Variants in TMEM242 observed in about 807,000 individuals in gnomAD.
The protein encoded by TMEM242 is UPF0463 transmembrane protein C6orf35.
A neutral mutation model predicts 18.2 loss-of-function variants in TMEM242; 10 were observed. The observed-to-expected ratio is 0.55, with a 90% CI of 0.34 to 0.93. The LOEUF is 0.93. Among genes scored for constraint, TMEM242 ranks in the 40% least tolerant of loss-of-function variants. The probability of loss-of-function intolerance (pLI) is 0.02; values close to 1 mark genes in which losing one functional copy is unlikely to be tolerated. For missense variants in TMEM242, 186 were observed against 175.5 expected, an observed-to-expected ratio of 1.06 and a Z score of -0.34; for synonymous variants, 57 against 69.9, an observed-to-expected ratio of 0.81 and a Z score of 0.92.
At chr6:157,304,743 T>C (rs1554247800) in intron 3 of TMEM242, among the ~76,000 whole-genome samples, 1 of 152,146 alleles carries the variant, frequency 6.6e-6, no homozygotes, top group African/African-American at 2.4e-5. Context: ...AATAGGATAA[T>C]TTCAGAGAGT....
chr6:157,319,921 T>C (rs942094580), intron 2 of TMEM242, among the ~76,000 whole-genome samples: 1 of 152,100 alleles, frequency 6.6e-6, no homozygotes. Context: ...CACATAACGG[T>C]GCTGCATAGG....
At chr6:157,299,571 C>T (rs587738572) in intron 3 of TMEM242, 1 of 1,559,444 alleles carries the variant, frequency 6.4e-7, no homozygotes, top group Admixed American at 1.7e-5. Context: ...AACTTCCAGG[C>T]TACATAAGTT....
At chr6:157,296,389 T>A (rs929016418) in intron 3 of TMEM242, among the ~76,000 whole-genome samples, 3 of 152,142 alleles carry the variant, frequency 2.0e-5, no homozygotes, top group African/African-American at 7.2e-5. Flanking sequence ...GTGCTTTCCA[T>A]AAAAACTAAG....
rs782782714 is a variant in TMEM242, at chr6:157,304,462, C to CAAA, written c.328-11466_328-11464dup. Among the ~76,000 whole-genome samples the CAAA allele has an allele frequency of 7.4e-4, 50 of 67,244 alleles. 2 individuals are homozygous for CAAA. Among genetic ancestry groups the CAAA allele is most frequent in the African/African-American group, 1.3e-3 (23 of 18,088 alleles). The allele number at this position is 67,244 out of a possible 152,430, so 44.1% of individuals were successfully genotyped here. On this transcript the variant is annotated intron_variant, in intron 3 of 3. Coordinates refer to ENST00000400788, the MANE Select transcript of TMEM242 (RefSeq NM_018452.6). ...CCTGGGTGACAGAGTGAGACTCTGT[C>CAAA]AAAAAAAAAAAAAAAAAAAAAAAAA... is the stretch of plus-strand genomic sequence containing the variant.
In TMEM242 at chr6:157,292,901, T is replaced by G; in HGVS notation, c.426A>C (p.Ter142CysextTer5). 6.2e-7 allele frequency: 1 copy of G among 1,610,236 alleles called. No individual in the cohort carries two copies. Among genetic ancestry groups the G allele is most frequent in the Non-Finnish European group, 8.5e-7 (1 of 1,176,584 alleles). Residue 142 changes from the stop codon to cysteine (C), a stop_lost, in exon 4 of 4, where the codon TGA becomes TGC. Transcript: ENST00000400788. ...VEWEETLKSK[*>C] ...ATTTTGAAATTCATCCATGCTCATCTCATTTGGATTTCAATGTTTCCTCCC... is the reference window on the plus strand; with the variant it reads ...ATTTTGAAATTCATCCATGCTCATCGCATTTGGATTTCAATGTTTCCTCCC...
chr6:157,309,996 G>C (rs1185676623), intron 3 of TMEM242, among the ~76,000 whole-genome samples: 1 of 152,080 alleles, frequency 6.6e-6, no homozygotes, highest in Admixed American at 6.5e-5. Context: ...CAAACATAGA[G>C]CACAGGTCCA....
intron 3 of TMEM242, among the ~76,000 whole-genome samples, chr6:157,312,653 T>C (rs1554249361): frequency 2.6e-5 from 4 of 151,464 alleles, no homozygotes; most frequent in East Asian, 1.9e-4. Flanking sequence ...CCCGGCCTCA[T>C]CATAGTGCCC....
rs1178738880 is a variant in TMEM242 at position 157,298,110 on chromosome 6, C to G, written c.328-5111G>C. Among the ~76,000 whole-genome samples the G allele has an allele frequency of 4.6e-5, 7 of 152,228 alleles. No homozygotes were observed. In the South Asian group the frequency reaches 8.3e-4, roughly 18 times the overall value. On this transcript the variant is annotated intron_variant, in intron 3 of 3. Coordinates refer to ENST00000400788, the MANE Select transcript of TMEM242 (RefSeq NM_018452.6). ...GCACAAATTCAAAAGCAAAAACTTT[C>G]TGTAAACATGAAATAAACTGAAGAG... is the stretch of plus-strand genomic sequence containing the variant.
rs587673934 is a variant in TMEM242 at position 157,322,775 on chromosome 6, G to C, written c.119C>G (p.Ala40Gly). The C allele has an allele frequency of 2.2e-5, 36 of 1,613,720 alleles. No homozygotes were observed. The East Asian group carries it at 5.8e-4, about 26-fold the overall frequency. ...GGIFLGTVAA[A>G]GMLAGFITTL... Reference sequence around the variant, plus strand: ...TGTAATAAATCCAGCTAGCATTCCCGCTGCAGCAACGGTACCAAGGAAAAT... The same window carrying C: ...TGTAATAAATCCAGCTAGCATTCCCCCTGCAGCAACGGTACCAAGGAAAAT... Residue 40 changes from alanine to glycine, a missense_variant, in exon 2 of 4, where the codon GCG becomes GGG. Transcript: ENST00000400788.
chr6:157,292,895 C>T lies in TMEM242; in HGVS notation c.*6G>A. ...ACAAGCATTTTGAAATTCATCCATGCTCATCTCATTTGGATTTCAATGTTT... is the reference window on the plus strand; with the variant it reads ...ACAAGCATTTTGAAATTCATCCATGTTCATCTCATTTGGATTTCAATGTTT... On this transcript the variant is annotated 3_prime_UTR_variant, in exon 4 of 4. Coordinates refer to ENST00000400788, the MANE Select transcript of TMEM242 (RefSeq NM_018452.6). The T allele has an allele frequency of 6.2e-7, 1 of 1,607,026 alleles. No homozygotes were observed. Among genetic ancestry groups the T allele is most frequent in the Non-Finnish European group, 8.5e-7 (1 of 1,173,764 alleles).
At position 157,294,601 on chromosome 6, in the gene TMEM242, C is replaced by T. The variant is rs587635167; in HGVS notation, c.328-1602G>A. Reference sequence around the variant, plus strand: ...TCCTGACCTCGTGATCCGCCCGCCTCGGCCTCCCAAAGTGCTGGGATTACA... The same window carrying T: ...TCCTGACCTCGTGATCCGCCCGCCTTGGCCTCCCAAAGTGCTGGGATTACA... On this transcript the variant is annotated intron_variant, in intron 3 of 3. Transcript: ENST00000400788. Among the ~76,000 whole-genome samples, 8 of 152,158 alleles carry T rather than the reference C, an allele frequency of 5.3e-5. No individual in the cohort carries two copies. The South Asian group carries it at 1.5e-3, about 28-fold the overall frequency.
chr6:157,292,245 C>A lies in TMEM242; in HGVS notation c.*656G>T, dbSNP rs185366040. 2.6e-5 allele frequency: 4 copies of A among 152,320 alleles called. No individual in the cohort carries two copies. Among genetic ancestry groups the A allele is most frequent in the Admixed American group, 2.6e-4 (4 of 15,304 alleles). The allele number at this position is 152,320 out of a possible 1,614,324, so 9.4% of individuals were successfully genotyped here. On this transcript the variant is annotated 3_prime_UTR_variant, in exon 4 of 4. Coordinates refer to ENST00000400788, the MANE Select transcript of TMEM242 (RefSeq NM_018452.6). ...TGATATCATCATTATTTTAGCCCAA[C>A]TGTGCCTTTTGGGGTGATCACAACT...
At chr6:157,301,641 A>G (rs1777831886) in intron 3 of TMEM242, among the ~76,000 whole-genome samples, 2 of 152,222 alleles carry the variant, frequency 1.3e-5, no homozygotes, top group Admixed American at 6.5e-5. Flanking sequence ...TGCCATTGAA[A>G]GGCAGTCCAG....
Position 157,318,711 on chromosome 6 carries a change from A to G in TMEM242, c.327+71T>C, listed in dbSNP as rs782030315. 8 of 1,590,308 alleles carry G rather than the reference A, an allele frequency of 5.0e-6. No homozygotes were observed. The African/African-American group carries it at 9.5e-5, about 19-fold the overall frequency. On this transcript the variant is annotated intron_variant, in intron 3 of 3. Transcript: ENST00000400788. ...AAACTACATGCAAATAAATTTGAAA[A>G]CCAGAAAAATTTAGAACACAGTAAG...
At chr6:157,312,984 C>G (rs1554249550) in intron 3 of TMEM242, among the ~76,000 whole-genome samples, 1 of 146,738 alleles carries the variant, frequency 6.8e-6, no homozygotes, top group African/African-American at 2.5e-5. Flanking sequence ...GTGCGCTCAC[C>G]TAGCCTCATC....
chr6:157,309,628 C>T lies in TMEM242; in HGVS notation c.327+9154G>A, dbSNP rs186798716. Among the ~76,000 whole-genome samples the T allele has an allele frequency of 4.6e-5, 7 of 152,260 alleles. 1 individual carries two copies. The highest frequency in any genetic ancestry group is 1.7e-4 in the African/African-American group (7 of 41,548). On this transcript the variant is annotated intron_variant, in intron 3 of 3. Transcript: ENST00000400788. ...CTAATCTCAAATTCCTAGACTCAAG[C>T]AATCCTCCTGCCTCAGCCTCCCAAA...
At position 157,305,586 on chromosome 6, in the gene TMEM242, G is replaced by T. The variant is rs184429462; in HGVS notation, c.328-12587C>A. On this transcript the variant is annotated intron_variant, in intron 3 of 3. Transcript: ENST00000400788. This position sits in a 1 kb window ranked among gnomAD's most constrained non-coding sequence, Gnocchi z 4.1. ...TGTTTTAAAGTGGCAGGGACTGGAC[G>T]AAAGAGCCAAGGGGCGGAGGATAGA... Among the ~76,000 whole-genome samples the T allele has an allele frequency of 6.6e-6, 1 of 152,198 alleles. No individual in the cohort carries two copies. Among genetic ancestry groups the T allele is most frequent in the Non-Finnish European group, 1.5e-5 (1 of 68,036 alleles).
At chr6:157,297,259 T>G (rs1294066088) in intron 3 of TMEM242, among the ~76,000 whole-genome samples, 1 of 152,234 alleles carries the variant, frequency 6.6e-6, no homozygotes, top group Non-Finnish European at 1.5e-5. Flanking sequence ...GCTTACTGTG[T>G]ATCCTGCTTG....
chr6:157,299,494 G>A lies in TMEM242; in HGVS notation c.328-6495C>T, dbSNP rs587666573. 5 of 1,429,614 alleles carry A rather than the reference G, an allele frequency of 3.5e-6. No individual in the cohort carries two copies. The African/African-American group carries it at 5.6e-5, about 16-fold the overall frequency. The allele number at this position is 1,429,614 out of a possible 1,614,324, so 88.6% of individuals were successfully genotyped here. ...GGATACCAAGCTTTTGTCCAAACAA[G>A]AAACAAAAACGAGCAGTATCCAGAT... On this transcript the variant is annotated intron_variant, in intron 3 of 3. Transcript: ENST00000400788.
Sources: gnomAD v4.1 joint callset for allele counts (sites outside exome capture counted in the v4.1 genomes callset) on GRCh38, gnomAD v4.1.1 for gene constraint, Gnocchi (gnomAD v3.1) non-coding constraint, MANE v1.5 for transcripts, NCBI Gene and HGNC (gene_info 2026-07-23, HGNC 2026-07-21) for gene names.